Variants in UPF2 observed in about 807,000 individuals in gnomAD.
UPF2 encodes the protein regulator of nonsense transcripts 2.
UPF2 carries 17 observed loss-of-function variants against 141.4 expected under a neutral mutation model. That is an observed-to-expected ratio of 0.12 (90% CI 0.08 to 0.18). The LOEUF (loss-of-function observed/expected upper bound fraction) is 0.18. Ranked by LOEUF, UPF2 falls within the 10% of genes least tolerant of loss-of-function variation. UPF2 has a pLI of 1.00. For synonymous variants in UPF2, 540 were observed against 498.0 expected (o/e 1.08, Z -1.12); for missense variants, 1,152 against 1,515.9 (o/e 0.76, Z 3.99).
intron 8 of UPF2, among the ~76,000 whole-genome samples, chr10:11,995,953 C>A (rs377558339): frequency 6.6e-6 from 1 of 152,160 alleles, no homozygotes; most frequent in Non-Finnish European, 1.5e-5. Context: ...TTGTTCCAGG[C>A]AGTCTTCTCT....
chr10:11,926,941 G>A (rs1832720330), intron 21 of UPF2, among the ~76,000 whole-genome samples: 1 of 152,128 alleles, frequency 6.6e-6, no homozygotes, highest in Non-Finnish European at 1.5e-5. Context: ...CACGCACGTC[G>A]ATGACAGCAC....
rs1157413713 is a variant in UPF2, at chr10:11,940,617, C to A, written c.3378+2048G>T. 6.6e-6 allele frequency among the ~76,000 whole-genome samples: 1 copy of A among 152,160 alleles called. No individual in the cohort carries two copies. Among genetic ancestry groups the A allele is most frequent in the Non-Finnish European group, 1.5e-5 (1 of 68,022 alleles). ...ACCAACTATCATCTTTGATGCCTCACCCCCTACACACCCATATCCAATCCA... is the reference window on the plus strand; with the variant it reads ...ACCAACTATCATCTTTGATGCCTCAACCCCTACACACCCATATCCAATCCA... On this transcript the variant is annotated intron_variant, in intron 18 of 21. Transcript: ENST00000357604. This position sits in a 1 kb window ranked among gnomAD's most constrained non-coding sequence, Gnocchi z 4.2.
intron 21 of UPF2, among the ~76,000 whole-genome samples, chr10:11,922,268 G>C (rs1474592786): frequency 2.0e-5 from 3 of 152,192 alleles, no homozygotes; most frequent in African/African-American, 7.2e-5. Context: ...TAAGCTACTA[G>C]GGCTGTAATA....
intron 8 of UPF2, among the ~76,000 whole-genome samples, chr10:11,985,701 A>G (rs1050372138): frequency 1.3e-5 from 2 of 152,022 alleles, no homozygotes; most frequent in African/African-American, 2.4e-5. Context: ...ACAAGCTCAA[A>G]AATGGGATGG....
At chr10:12,020,514 TA>T (rs1294071478) in intron 3 of UPF2, among the ~76,000 whole-genome samples, 1 of 152,164 alleles carries the variant, frequency 6.6e-6, no homozygotes, top group African/African-American at 2.4e-5. Context: ...GCCAAGCTAC[TA>T]AAGTTTAAGA....
intron 3 of UPF2, among the ~76,000 whole-genome samples, chr10:12,027,054 T>C (rs1227322990): frequency 6.6e-6 from 1 of 152,206 alleles, no homozygotes. Flanking sequence ...TTCAAGTACC[T>C]GTATTCCATC....
chr10:12,007,655 C>T (rs957100111), intron 4 of UPF2, among the ~76,000 whole-genome samples: 1 of 151,730 alleles, frequency 6.6e-6, no homozygotes, highest in African/African-American at 2.4e-5. Context: ...ACAGTGAAAC[C>T]CCGTCTCTAC....
At chr10:11,922,776 T>TAA (rs141885064) in intron 21 of UPF2, among the ~76,000 whole-genome samples, 2 of 149,418 alleles carry the variant, frequency 1.3e-5, no homozygotes, top group Admixed American at 6.7e-5. Context: ...TAAAGATATA[T>TAA]AAAAAAAAAA....
At chr10:11,958,694 T>C (rs1266624466) in intron 12 of UPF2, among the ~76,000 whole-genome samples, 1 of 152,126 alleles carries the variant, frequency 6.6e-6, no homozygotes, top group East Asian at 1.9e-4. Flanking sequence ...AGGTCAGTGA[T>C]TCTTTACCTT....
chr10:11,938,842 GTTT>G (rs1204744093), intron 18 of UPF2, among the ~76,000 whole-genome samples: 1 of 45,862 alleles, frequency 2.2e-5, no homozygotes, highest in Non-Finnish European at 5.0e-5. Context: ...TCTTAAGCAA[GTTT>G]TTTTTTTGTT....
In UPF2 at chr10:11,999,918, A is replaced by G. The variant is rs1232467194; in HGVS notation, c.1746T>C (p.Asp582=). The G allele has an allele frequency of 6.2e-7, 1 of 1,613,868 alleles. No individual in the cohort carries two copies. ...LQQLPNCVNR[D]LIDKAAMDFC... is the part of the protein sequence containing the mutation. ...GAGATACCAATACCTTGTCTATCAG[A>G]TCTCGGTTGACACAGTTGGGTAACT... The change falls in exon 7 of 22, where the codon GAT becomes GAC. Residue 582 remains aspartate (D), a synonymous_variant. Coordinates refer to ENST00000357604, the MANE Select transcript of UPF2 (RefSeq NM_015542.4).
intron 2 of UPF2, among the ~76,000 whole-genome samples, chr10:12,034,160 C>T (rs766374975): frequency 1.3e-5 from 2 of 152,140 alleles, no homozygotes; most frequent in Non-Finnish European, 2.9e-5. Context: ...AAATGAGGAT[C>T]ATAAAACTTA....
chr10:11,969,776 C>T (rs916850988), intron 9 of UPF2, among the ~76,000 whole-genome samples: 1 of 152,222 alleles, frequency 6.6e-6, no homozygotes, highest in Non-Finnish European at 1.5e-5. Context: ...AGCACTATTA[C>T]TTACACTTAC....
At chr10:11,922,761 T>C (rs1832661714) in intron 21 of UPF2, among the ~76,000 whole-genome samples, 1 of 151,800 alleles carries the variant, frequency 6.6e-6, no homozygotes, top group Admixed American at 6.6e-5. Flanking sequence ...TAATTTAACC[T>C]TACATAAAGA....
chr10:11,938,235 C>G (rs1000810362), intron 18 of UPF2, among the ~76,000 whole-genome samples: 1 of 152,110 alleles, frequency 6.6e-6, no homozygotes, highest in African/African-American at 2.4e-5. Flanking sequence ...TCTTGGTTAT[C>G]TTTCTCTTTG....
At position 11,985,851 on chromosome 10, in the gene UPF2, T is replaced by C. The variant is rs563586594; in HGVS notation, c.1845-6686A>G. Among the ~76,000 whole-genome samples the C allele has an allele frequency of 2.6e-4, 39 of 147,830 alleles. No homozygotes were observed. The East Asian group carries it at 6.3e-3, about 24-fold the overall frequency. ...ATGGGTATTTCATCTAATTTGAGTG[T>C]TGAAAAGCAACTGAAAAATAATTAG... On this transcript the variant is annotated intron_variant, in intron 8 of 21. Coordinates refer to ENST00000357604, the MANE Select transcript of UPF2 (RefSeq NM_015542.4).
intron 10 of UPF2, 72 bp from the exon 11 acceptor site, chr10:11,964,197 TC>T: frequency 8.8e-7 from 1 of 1,134,382 alleles, no homozygotes; most frequent in Non-Finnish European, 1.3e-6. Flanking sequence ...TTATCATACA[TC>T]TAATGTGTGT....
chr10:11,923,955 T>TA lies in UPF2; in HGVS notation c.3810-2649dup, dbSNP rs1286466297. ...TTTTAGTAAGAGTCTAGAGAGTTAA[T>TA]ACGTATTTTAAAGTTTGAGAAGCAT... On this transcript the variant is annotated intron_variant, in intron 21 of 21. Coordinates refer to ENST00000357604, the MANE Select transcript of UPF2 (RefSeq NM_015542.4). 2.6e-5 allele frequency among the ~76,000 whole-genome samples: 4 copies of TA among 152,212 alleles called. No individual in the cohort carries two copies. In the East Asian group the frequency reaches 7.7e-4, roughly 29 times the overall value.
chr10:12,030,447 T>C lies in UPF2; in HGVS notation c.366-923A>G, dbSNP rs369442887. 4.0e-5 allele frequency among the ~76,000 whole-genome samples: 6 copies of C among 151,898 alleles called. No individual in the cohort carries two copies. In the East Asian group the frequency reaches 5.8e-4, roughly 15 times the overall value. On this transcript the variant is annotated intron_variant, in intron 2 of 21. Transcript: ENST00000357604. ...TACTTGGGAGGCTGAGGCAGGAGAA[T>C]TGCTTAAACCTGGGAGTCGGAGACT...
Sources: allele counts gnomAD v4.1 joint callset (sites outside exome capture counted in the v4.1 genomes callset), GRCh38; gene constraint gnomAD v4.1.1; non-coding constraint Gnocchi (gnomAD v3.1); transcripts MANE v1.5; gene names NCBI Gene and HGNC (gene_info 2026-07-23, HGNC 2026-07-21).